The following GNAL variants were observed in gnomAD, a reference collection of about 807,000 sequenced individuals.
The protein encoded by GNAL is G protein subunit alpha L.
GNAL carries 18 observed loss-of-function variants against 55.1 expected under a neutral mutation model. The observed-to-expected ratio is 0.33, with a 90% CI of 0.23 to 0.48. GNAL has a LOEUF of 0.48. Ranked by LOEUF, GNAL falls within the 20% of genes least tolerant of loss-of-function variation. The pLI, the probability that GNAL is intolerant of heterozygous loss-of-function variation, is 0.99. For missense variants in GNAL, 412 were observed against 614.1 expected (o/e 0.67, Z 3.48); for synonymous variants, 253 against 237.0 (o/e 1.07, Z -0.62).
chr18:11,786,573 C>A (rs1369348370), intron 4 of GNAL, among the ~76,000 whole-genome samples: 1 of 149,558 alleles, frequency 6.7e-6, no homozygotes, highest in African/African-American at 2.5e-5. Context: ...CACAGCCTCC[C>A]AAGTAGCTGG....
At chr18:11,745,118 ATTGT>A (rs2032661385) in intron 1 of GNAL, among the ~76,000 whole-genome samples, 1 of 150,380 alleles carries the variant, frequency 6.6e-6, no homozygotes, top group African/African-American at 2.4e-5. Flanking sequence ...TTTTCTATCT[ATTGT>A]TTTTTTATTA....
intron 1 of GNAL, among the ~76,000 whole-genome samples, chr18:11,739,432 CCTTAGGTGACCATGGTACGGTTCT>C (rs1163410966): frequency 7.9e-5 from 12 of 152,056 alleles, no homozygotes; most frequent in South Asian, 6.2e-4. Context: ...CAGGGTATTC[CCTTAGGTGACCATGGTACGGTTCT>C]CAAAATCACT....
intron 4 of GNAL, among the ~76,000 whole-genome samples, chr18:11,805,414 T>C (rs72867047): frequency 0.055 from 8,284 of 151,942 alleles, 314 homozygotes; most frequent in Non-Finnish European, 0.081. Context: ...CATGGAGATA[T>C]TGTGTAGTGG....
intron 1 of GNAL, among the ~76,000 whole-genome samples, chr18:11,694,281 C>G (rs370622919): frequency 1.3e-5 from 2 of 152,246 alleles, no homozygotes; most frequent in East Asian, 3.9e-4. Flanking sequence ...CCTGTGAATT[C>G]TTTGTGCTCC....
Position 11,868,725 on chromosome 18 carries a change from C to G in GNAL, c.1031+62C>G. 1 of 1,448,660 alleles carries G rather than the reference C, an allele frequency of 6.9e-7. No individual in the cohort carries two copies. The highest frequency in any genetic ancestry group is 9.5e-7 in the Non-Finnish European group (1 of 1,050,564). 89.7% of individuals were successfully genotyped at this position (1,448,660 alleles called of 1,614,324 possible). On this transcript the variant is annotated intron_variant, in intron 9 of 11. Transcript: ENST00000334049. The surrounding 1 kb of genome is among the most constrained non-coding windows in gnomAD (Gnocchi z 4.0). ...TGCAAATTTTCTTTTGTTAAAAATACGCTCAGGCCAGGCGTTGTGGCTCAC... is the reference window on the plus strand; with the variant it reads ...TGCAAATTTTCTTTTGTTAAAAATAGGCTCAGGCCAGGCGTTGTGGCTCAC...
At chr18:11,832,219 T>C (rs898190830) in intron 5 of GNAL, among the ~76,000 whole-genome samples, 13 of 152,162 alleles carry the variant, frequency 8.5e-5, no homozygotes, top group African/African-American at 3.1e-4. Context: ...AACTTTAAAC[T>C]CCACAGCTCA....
chr18:11,846,128 C>T (rs1391289803), intron 5 of GNAL, among the ~76,000 whole-genome samples: 1 of 151,946 alleles, frequency 6.6e-6, no homozygotes, highest in Non-Finnish European at 1.5e-5. Flanking sequence ...CTTAGAGGGA[C>T]AGGTGTGTTG....
intron 5 of GNAL, among the ~76,000 whole-genome samples, chr18:11,861,643 G>T (rs1209586491): frequency 6.6e-6 from 1 of 152,140 alleles, no homozygotes; most frequent in Non-Finnish European, 1.5e-5. Flanking sequence ...CCTGTGCAGG[G>T]GCCGTGGTCA....
intron 5 of GNAL, among the ~76,000 whole-genome samples, chr18:11,849,468 C>G (rs888143527): frequency 6.8e-6 from 1 of 147,044 alleles, no homozygotes; most frequent in African/African-American, 2.6e-5. Context: ...CACTACTGCA[C>G]TCCAGCCTGA....
intron 4 of GNAL, among the ~76,000 whole-genome samples, chr18:11,790,172 C>T (rs2034188149): frequency 1.3e-5 from 2 of 152,162 alleles, no homozygotes; most frequent in Admixed American, 1.3e-4. Context: ...CTCCTCAAGC[C>T]AGTTGTTGGA....
chr18:11,730,050 T>TTTG (rs2032301131), intron 1 of GNAL, among the ~76,000 whole-genome samples: 1 of 152,148 alleles, frequency 6.6e-6, no homozygotes, highest in African/African-American at 2.4e-5. Context: ...TCTTTTTTTT[T>TTTG]TGAGACAGAG....
At chr18:11,746,817 CT>C in intron 1 of GNAL, 1 of 492,304 alleles carries the variant, frequency 2.0e-6, no homozygotes, top group Non-Finnish European at 4.1e-6. Flanking sequence ...TTATTGGTTG[CT>C]GGACGAGTGG....
At chr18:11,766,748 T>C (rs7244948) in intron 4 of GNAL, among the ~76,000 whole-genome samples, 5,661 of 152,300 alleles carry the variant, frequency 0.037, 130 homozygotes, top group Middle Eastern at 0.054. Flanking sequence ...GAGTACTTAA[T>C]TGCAAAAATA....
chr18:11,864,086 C>CTTTTTTTTTTTT (rs3981355), intron 6 of GNAL, among the ~76,000 whole-genome samples: 2 of 129,060 alleles, frequency 1.5e-5, no homozygotes, highest in African/African-American at 6.0e-5. Flanking sequence ...CGTCTGAGTT[C>CTTTTTTTTTTTT]TTTTTTTTTT....
intron 7 of GNAL, among the ~76,000 whole-genome samples, chr18:11,866,888 C>G (rs1170629038): frequency 7.2e-6 from 1 of 139,722 alleles, no homozygotes; most frequent in Non-Finnish European, 1.5e-5. Context: ...TATTAAGGAC[C>G]TACTGTGGGA....
At chr18:11,775,790 T>G (rs1354253836) in intron 4 of GNAL, among the ~76,000 whole-genome samples, 1 of 152,126 alleles carries the variant, frequency 6.6e-6, no homozygotes, top group Non-Finnish European at 1.5e-5. Flanking sequence ...GAGGTGAAAT[T>G]CCAGTGTTTT....
intron 1 of GNAL, among the ~76,000 whole-genome samples, chr18:11,693,717 A>G (rs1412038125): frequency 2.7e-5 from 4 of 145,886 alleles, no homozygotes; most frequent in Non-Finnish European, 6.0e-5. Context: ...AGACCCAGGG[A>G]AGGTGCACTT....
chr18:11,798,096 G>A (rs77544497), intron 4 of GNAL, among the ~76,000 whole-genome samples: 7,765 of 152,210 alleles, frequency 0.051, 285 homozygotes, highest in Non-Finnish European at 0.071. Flanking sequence ...AGCCAGGCAC[G>A]GTGGCTGTCT....
chr18:11,775,822 T>C (rs2033767209), intron 4 of GNAL, among the ~76,000 whole-genome samples: 1 of 152,196 alleles, frequency 6.6e-6, no homozygotes. Context: ...AAGGCAGAGA[T>C]GTATGGAATG....
Sources: gnomAD v4.1 joint callset for allele counts (sites outside exome capture counted in the v4.1 genomes callset) on GRCh38, gnomAD v4.1.1 for gene constraint, Gnocchi (gnomAD v3.1) non-coding constraint, MANE v1.5 for transcripts, NCBI Gene and HGNC (gene_info 2026-07-23, HGNC 2026-07-21) for gene names.